Variants in GNAZ observed in about 807,000 individuals in gnomAD.
GNAZ encodes the protein guanine nucleotide-binding protein G(z) subunit alpha.
A neutral mutation model predicts 25.4 loss-of-function variants in GNAZ; 3 were observed. The observed-to-expected ratio is 0.12, with a 90% CI of 0.05 to 0.30. The LOEUF is 0.30. Among genes scored for constraint, GNAZ ranks in the 10% least tolerant of loss-of-function variants. GNAZ has a pLI of 1.00. For synonymous variants in GNAZ, 211 were observed against 205.7 expected, an observed-to-expected ratio of 1.03 and a Z score of -0.22; for missense variants, 241 against 501.8, an observed-to-expected ratio of 0.48 and a Z score of 4.97.
chr22:23,074,613 G>A (rs2068464433), intron 1 of GNAZ, among the ~76,000 whole-genome samples: 1 of 152,190 alleles, frequency 6.6e-6, no homozygotes. Context: ...GTCACTTAGG[G>A]ATCAAGGGTA....
intron 2 of GNAZ, among the ~76,000 whole-genome samples, chr22:23,109,246 G>A (rs1374782788): frequency 1.3e-5 from 2 of 152,186 alleles, no homozygotes; most frequent in Non-Finnish European, 2.9e-5. Context: ...CAGCCCAAGT[G>A]AGCCTGGCAG....
intron 2 of GNAZ, among the ~76,000 whole-genome samples, chr22:23,118,724 A>G (rs559760711): frequency 1.3e-5 from 2 of 152,298 alleles, no homozygotes; most frequent in South Asian, 4.1e-4. Context: ...AAGTCACTGC[A>G]GGACAAGGGG....
chr22:23,088,001 G>C (rs973991337), intron 1 of GNAZ, among the ~76,000 whole-genome samples: 2 of 152,192 alleles, frequency 1.3e-5, no homozygotes. Flanking sequence ...CTTTGGGAGA[G>C]GGCTGTTACC....
intron 2 of GNAZ, among the ~76,000 whole-genome samples, chr22:23,111,380 C>T (rs11914227): frequency 0.064 from 9,710 of 152,280 alleles, 1,073 homozygotes; most frequent in African/African-American, 0.22. Context: ...GACTCGGTTC[C>T]GCCTAGTGGC....
intron 2 of GNAZ, among the ~76,000 whole-genome samples, chr22:23,099,890 G>A (rs537464762): frequency 1.8e-4 from 27 of 152,374 alleles, no homozygotes; most frequent in African/African-American, 6.3e-4. Flanking sequence ...GGGGGTAGGT[G>A]GGCACTTGTT....
chr22:23,081,821 C>CAAAAAA (rs55713577), intron 1 of GNAZ, among the ~76,000 whole-genome samples: 3 of 46,746 alleles, frequency 6.4e-5, no homozygotes, highest in Non-Finnish European at 1.1e-4. Flanking sequence ...GATTCCATCT[C>CAAAAAA]AAAAAAAAAA....
chr22:23,075,334 C>T (rs901888656), intron 1 of GNAZ, among the ~76,000 whole-genome samples: 1 of 152,166 alleles, frequency 6.6e-6, no homozygotes, highest in South Asian at 2.1e-4. Flanking sequence ...CTGCAGCAGG[C>T]AATTGCCTGC....
At chr22:23,079,651 C>T (rs1369442353) in intron 1 of GNAZ, among the ~76,000 whole-genome samples, 1 of 152,190 alleles carries the variant, frequency 6.6e-6, no homozygotes, top group East Asian at 1.9e-4. Flanking sequence ...TGGTGGAGCA[C>T]AGGGCACAGG....
chr22:23,090,017 G>A (rs568531751), intron 1 of GNAZ, among the ~76,000 whole-genome samples: 8 of 152,180 alleles, frequency 5.3e-5, no homozygotes, highest in South Asian at 4.1e-4. Flanking sequence ...AGTCCTAAGC[G>A]ACCTCCTGGT....
At position 23,123,629 on chromosome 22, in the gene GNAZ, A is replaced by G. The variant is rs1034192314; in HGVS notation, c.*198A>G. The G allele has an allele frequency of 5.1e-6, 3 of 590,234 alleles. No individual in the cohort carries two copies. The African/African-American group carries it at 5.6e-5, about 11-fold the overall frequency. 36.6% of individuals were successfully genotyped at this position (590,234 alleles called of 1,614,324 possible). A position where few individuals can be genotyped will look rare whatever the true frequency, so the allele number is the denominator to read the frequency against. On this transcript the variant is annotated 3_prime_UTR_variant, in exon 3 of 3. Transcript: ENST00000615612. Reference sequence around the variant, plus strand: ...GATAGATTGCTAGGTAGATAGACACACACACATGCACACACACACATCTGG... The same window carrying G: ...GATAGATTGCTAGGTAGATAGACACGCACACATGCACACACACACATCTGG...
At chr22:23,092,267 C>T (rs9608072) in intron 1 of GNAZ, among the ~76,000 whole-genome samples, 1 of 152,190 alleles carries the variant, frequency 6.6e-6, no homozygotes, top group Non-Finnish European at 1.5e-5. Flanking sequence ...GAAGTCAAGC[C>T]TCAGAATAGG....
intron 1 of GNAZ, among the ~76,000 whole-genome samples, chr22:23,082,247 C>T (rs556360397): frequency 2.0e-5 from 3 of 151,712 alleles, no homozygotes; most frequent in African/African-American, 4.8e-5. Flanking sequence ...TTTTGAGTCT[C>T]GCCCTGTTGA....
At chr22:23,092,269 C>T (rs971849987) in intron 1 of GNAZ, among the ~76,000 whole-genome samples, 8 of 152,208 alleles carry the variant, frequency 5.3e-5, no homozygotes, top group Non-Finnish European at 1.2e-4. Flanking sequence ...AGTCAAGCCT[C>T]AGAATAGGTG....
intron 1 of GNAZ, among the ~76,000 whole-genome samples, chr22:23,077,241 C>G (rs2068531395): frequency 6.6e-6 from 1 of 152,140 alleles, no homozygotes; most frequent in South Asian, 2.1e-4. Context: ...CTGATGCTAA[C>G]CCCTTATTGG....
chr22:23,080,246 A>G (rs1403886580), intron 1 of GNAZ, among the ~76,000 whole-genome samples: 3 of 152,214 alleles, frequency 2.0e-5, no homozygotes, highest in Non-Finnish European at 4.4e-5. Flanking sequence ...CTCAGGCGAC[A>G]CTATCACCCT....
chr22:23,109,709 C>T (rs533545082), intron 2 of GNAZ, among the ~76,000 whole-genome samples: 7 of 152,310 alleles, frequency 4.6e-5, no homozygotes, highest in Middle Eastern at 3.4e-3. Flanking sequence ...CACAGAACCA[C>T]GGGGGCAGCA....
At position 23,124,606 on chromosome 22, in the gene GNAZ, ATTTGTGGC is replaced by A; in HGVS notation, c.*1180_*1187del. Reference sequence around the variant, plus strand: ...TGTCTTGGTATTTAAAGAGTAAATTATTTGTGGCTTTGCTGAGTGAAGGAAGGGGAGCA... The same window carrying A: ...TGTCTTGGTATTTAAAGAGTAAATTATTTGCTGAGTGAAGGAAGGGGAGCA... On this transcript the variant is annotated 3_prime_UTR_variant, in exon 3 of 3. Coordinates refer to ENST00000615612, the MANE Select transcript of GNAZ (RefSeq NM_002073.4). The A allele has an allele frequency of 4.6e-6, 1 of 219,362 alleles. No individual in the cohort carries two copies. Among genetic ancestry groups the A allele is most frequent in the Non-Finnish European group, 9.9e-6 (1 of 100,616 alleles). 13.6% of individuals were successfully genotyped at this position (219,362 alleles called of 1,614,324 possible).
At chr22:23,085,820 G>A (rs1034218821) in intron 1 of GNAZ, among the ~76,000 whole-genome samples, 7 of 152,220 alleles carry the variant, frequency 4.6e-5, no homozygotes, top group Non-Finnish European at 8.8e-5. Context: ...CTAGGAGGTG[G>A]CCTAAGGCCA....
At chr22:23,108,695 G>A (rs6003510) in intron 2 of GNAZ, among the ~76,000 whole-genome samples, 15,941 of 152,284 alleles carry the variant, frequency 0.1, 2,651 homozygotes, top group African/African-American at 0.35. Context: ...ATGTCCCAGG[G>A]CCCCAGCTTC....
Sources: gnomAD v4.1 joint callset for allele counts (sites outside exome capture counted in the v4.1 genomes callset) on GRCh38, gnomAD v4.1.1 for gene constraint, MANE v1.5 for transcripts, NCBI Gene and HGNC (gene_info 2026-07-23, HGNC 2026-07-21) for gene names.